SUPT3H: variants seen among roughly 807,000 people sequenced by gnomAD.
The protein encoded by SUPT3H is SPT3 homolog, SAGA and STAGA complex component.
A neutral mutation model predicts 44.3 loss-of-function variants in SUPT3H; 44 were observed. The observed-to-expected ratio is 0.99, with a 90% CI of 0.78 to 1.28. SUPT3H has a LOEUF of 1.28. Among genes scored for constraint, SUPT3H ranks in the 50% most tolerant of loss-of-function variants. The pLI is 0.00. For synonymous variants in SUPT3H, 124 were observed against 125.6 expected (o/e 0.99, Z 0.09); for missense variants, 380 against 387.1 (o/e 0.98, Z 0.15).
At chr6:45,143,716 T>A (rs556575829) in intron 2 of SUPT3H, among the ~76,000 whole-genome samples, 119 of 151,778 alleles carry the variant, frequency 7.8e-4, no homozygotes, top group African/African-American at 2.7e-3. Flanking sequence ...CAGAACTAAA[T>A]GAAATTGAAA....
intron 9 of SUPT3H, among the ~76,000 whole-genome samples, chr6:44,945,131 G>A (rs766864057): frequency 6.6e-6 from 1 of 151,790 alleles, no homozygotes; most frequent in Non-Finnish European, 1.5e-5. Context: ...GATCTTTAGT[G>A]TTACTATTGT....
At chr6:44,854,409 T>C (rs1425573686) in intron 10 of SUPT3H, among the ~76,000 whole-genome samples, 1 of 152,130 alleles carries the variant, frequency 6.6e-6, no homozygotes, top group Non-Finnish European at 1.5e-5. Flanking sequence ...CCACCTATTT[T>C]GAAAAGAAGC....
intron 2 of SUPT3H, among the ~76,000 whole-genome samples, chr6:45,331,724 T>C (rs1787556932): frequency 6.6e-6 from 1 of 152,018 alleles, no homozygotes; most frequent in Non-Finnish European, 1.5e-5. Flanking sequence ...CTGGCTGGTC[T>C]GTCTGACTCT....
intron 9 of SUPT3H, among the ~76,000 whole-genome samples, chr6:44,937,080 A>C (rs1771561501): frequency 6.6e-6 from 1 of 152,210 alleles, no homozygotes; most frequent in Non-Finnish European, 1.5e-5. Context: ...AAGTAAATAG[A>C]AGTGCAAATA....
rs1391254831 is a variant in SUPT3H, at chr6:45,295,702, A to C, written c.101+69499T>G. Among the ~76,000 whole-genome samples, 6 of 152,288 alleles carry C rather than the reference A, an allele frequency of 3.9e-5. No homozygotes were observed. The South Asian group carries it at 1.2e-3, about 32-fold the overall frequency. On this transcript the variant is annotated intron_variant, in intron 2 of 10. Coordinates refer to ENST00000371459, the MANE Select transcript of SUPT3H (RefSeq NM_003599.4). ...CATCAAAAAGTGGGCTAAGGACAGGAACAGACAATTCTCAAAAGAAGATAT... is the reference window on the plus strand; with the variant it reads ...CATCAAAAAGTGGGCTAAGGACAGGCACAGACAATTCTCAAAAGAAGATAT...
chr6:44,901,287 C>A (rs889666936), intron 10 of SUPT3H, among the ~76,000 whole-genome samples: 6 of 152,070 alleles, frequency 3.9e-5, no homozygotes, highest in African/African-American at 9.7e-5. Flanking sequence ...AAAAATTAGA[C>A]GAATGGCTAA....
chr6:45,196,687 C>A (rs184110361), intron 2 of SUPT3H, among the ~76,000 whole-genome samples: 5 of 151,956 alleles, frequency 3.3e-5, no homozygotes, highest in Admixed American at 2.6e-4. Context: ...AAGGGAATAA[C>A]TTTTTTCAGA....
At chr6:44,826,722 C>T (rs527441240), downstream of SUPT3H, among the ~76,000 whole-genome samples, 6 of 152,238 alleles carry the variant, frequency 3.9e-5, no homozygotes, top group African/African-American at 1.4e-4. Context: ...AACAAGTAAA[C>T]ATGTTTTCTT....
intron 3 of SUPT3H, among the ~76,000 whole-genome samples, chr6:45,093,280 TAAA>T (rs991509062): frequency 8.5e-5 from 13 of 152,222 alleles, no homozygotes; most frequent in African/African-American, 3.1e-4. Flanking sequence ...TTTTGTAAGT[TAAA>T]AAGCTATACA....
At position 44,917,145 on chromosome 6, in the gene SUPT3H, C is replaced by A. The variant is rs183389752; in HGVS notation, c.912+15508G>T. ...TTCCAGCCTGGGTAACAGAGTGAGA[C>A]CCTGTCTCAAAAAGAAAAAAAAAAA... On this transcript the variant is annotated intron_variant, in intron 10 of 10. Transcript: ENST00000371459. Among the ~76,000 whole-genome samples, 293 of 151,948 alleles carry A rather than the reference C, an allele frequency of 1.9e-3. 1 individual carries two copies. In the Middle Eastern group the frequency reaches 0.031, roughly 16 times the overall value.
intron 10 of SUPT3H, among the ~76,000 whole-genome samples, chr6:44,847,908 C>T (rs1772153410): frequency 6.6e-6 from 1 of 150,550 alleles, no homozygotes; most frequent in South Asian, 2.1e-4. Flanking sequence ...ATTTTCTTTA[C>T]CATTCATTAC....
intron 2 of SUPT3H, among the ~76,000 whole-genome samples, chr6:45,257,363 A>C (rs911399386): frequency 6.6e-6 from 1 of 152,188 alleles, no homozygotes; most frequent in Admixed American, 6.5e-5. Flanking sequence ...GAATTTTACT[A>C]TACTCCAGCA....
In SUPT3H at chr6:45,323,300, C is replaced by T. The variant is rs112116999; in HGVS notation, c.101+41901G>A. 6.1e-3 allele frequency among the ~76,000 whole-genome samples: 921 copies of T among 152,002 alleles called. 5 individuals carry two copies. The highest frequency in any genetic ancestry group is 0.011 in the Non-Finnish European group (738 of 67,982). ...TAAGTTACTAACTTCATCAAAATTG[C>T]TGAAGTCTGACAGCTAAGAGCACAG... On this transcript the variant is annotated intron_variant, in intron 2 of 10. Transcript: ENST00000371459.
At chr6:45,322,729 C>G (rs1345561614) in intron 2 of SUPT3H, 2 of 590,206 alleles carry the variant, frequency 3.4e-6, no homozygotes, top group Non-Finnish European at 6.1e-6. Flanking sequence ...AATAAAAGAA[C>G]TGTCAAGACA....
chr6:45,012,761 C>T (rs568186978), intron 5 of SUPT3H, among the ~76,000 whole-genome samples: 3 of 152,112 alleles, frequency 2.0e-5, no homozygotes, highest in South Asian at 4.1e-4. Context: ...TGAAAAGGGA[C>T]ACTTTAGATA....
chr6:44,963,153 C>CTT (rs959019071), intron 6 of SUPT3H, among the ~76,000 whole-genome samples: 1 of 151,690 alleles, frequency 6.6e-6, no homozygotes, highest in Non-Finnish European at 1.5e-5. Flanking sequence ...TATACACAAA[C>CTT]ACACATATAT....
At chr6:45,129,144 T>C (rs377206437) in intron 2 of SUPT3H, among the ~76,000 whole-genome samples, 1 of 152,238 alleles carries the variant, frequency 6.6e-6, no homozygotes, top group South Asian at 2.1e-4. Context: ...TCAAGTTTTA[T>C]AGAGCAGAAA....
intron 6 of SUPT3H, among the ~76,000 whole-genome samples, chr6:44,971,783 T>C (rs1234088393): frequency 6.6e-6 from 1 of 152,080 alleles, no homozygotes; most frequent in Non-Finnish European, 1.5e-5. Flanking sequence ...GCCTGTTTGT[T>C]TTTTCTTGAG....
intron 10 of SUPT3H, among the ~76,000 whole-genome samples, chr6:44,880,288 T>A (rs1337366449): frequency 6.6e-6 from 1 of 151,942 alleles, no homozygotes; most frequent in Admixed American, 6.6e-5. Context: ...CATTCACAAG[T>A]ATCAGTAGCC....
Sources: allele counts gnomAD v4.1 joint callset (sites outside exome capture counted in the v4.1 genomes callset), GRCh38; gene constraint gnomAD v4.1.1; transcripts MANE v1.5; gene names NCBI Gene and HGNC (gene_info 2026-07-23, HGNC 2026-07-21).